The following LRP1B variants were observed in gnomAD, a reference collection of about 807,000 sequenced individuals.
The protein encoded by LRP1B is LDL receptor related protein 1B.
LRP1B carries 217 observed loss-of-function variants against 556.6 expected under a neutral mutation model. The ratio of observed to expected loss-of-function variants is 0.39; its 90% CI spans 0.35 to 0.44. LRP1B has a LOEUF of 0.44. Among genes scored for constraint, LRP1B ranks in the 20% least tolerant of loss-of-function variants. The pLI is 1.00. For synonymous variants in LRP1B, 2,047 were observed against 1,865.8 expected (o/e 1.10, Z -2.50); for missense variants, 5,053 against 5,620.8 (o/e 0.90, Z 3.23).
chr2:141,848,588 A>G (rs1157600932), intron 1 of LRP1B, among the ~76,000 whole-genome samples: 2 of 151,614 alleles, frequency 1.3e-5, no homozygotes, highest in Admixed American at 6.6e-5. Flanking sequence ...AATGAAAAAT[A>G]TAAGAAAGAT....
In LRP1B at chr2:142,004,952, G is replaced by C. The variant is rs559255146; in HGVS notation, c.82+125696C>G. On this transcript the variant is annotated intron_variant, in intron 1 of 90. Transcript: ENST00000389484. Reference sequence around the variant, plus strand: ...ATTTTTCAACCTGCAATTTATGGCAGTGGTCTGCAACAAATACTATATATT... The same window carrying C: ...ATTTTTCAACCTGCAATTTATGGCACTGGTCTGCAACAAATACTATATATT... 1.1e-4 allele frequency among the ~76,000 whole-genome samples: 16 copies of C among 150,786 alleles called. No homozygotes were observed. In the East Asian group the frequency reaches 3.1e-3, roughly 29 times the overall value.
chr2:141,234,751 A>G (rs1243379278), intron 5 of LRP1B, among the ~76,000 whole-genome samples: 7 of 152,202 alleles, frequency 4.6e-5, no homozygotes, highest in South Asian at 2.1e-4. Context: ...ATATTAACAG[A>G]AAATTATGTA....
intron 3 of LRP1B, among the ~76,000 whole-genome samples, chr2:141,273,673 A>G (rs1443652235): frequency 2.0e-5 from 3 of 152,214 alleles, no homozygotes; most frequent in Non-Finnish European, 2.9e-5. Flanking sequence ...GGTTAGAAAA[A>G]AGGCTTGTTT....
intron 35 of LRP1B, among the ~76,000 whole-genome samples, chr2:140,737,338 C>T (rs1283868157): frequency 6.6e-6 from 1 of 152,104 alleles, no homozygotes; most frequent in East Asian, 1.9e-4. Flanking sequence ...GATTACTGGA[C>T]ACAGTGTCTG....
intron 43 of LRP1B, among the ~76,000 whole-genome samples, chr2:140,552,136 C>T (rs533101556): frequency 2.3e-4 from 35 of 152,154 alleles, no homozygotes; most frequent in African/African-American, 7.9e-4. Flanking sequence ...TGTATATGTG[C>T]TATTTTTATA....
intron 25 of LRP1B, among the ~76,000 whole-genome samples, chr2:140,877,170 A>G (rs1210916118): frequency 6.6e-6 from 1 of 152,166 alleles, no homozygotes; most frequent in African/African-American, 2.4e-5. Context: ...TCAGAAGAAT[A>G]TAACAGCAAC....
chr2:141,516,129 A>T (rs913206732), intron 2 of LRP1B, among the ~76,000 whole-genome samples: 6 of 152,142 alleles, frequency 3.9e-5, no homozygotes, highest in Non-Finnish European at 7.4e-5. Context: ...GCCAAACCAC[A>T]TCCATTTCTC....
chr2:141,556,388 T>G (rs1685962799), intron 2 of LRP1B, among the ~76,000 whole-genome samples: 1 of 151,956 alleles, frequency 6.6e-6, no homozygotes, highest in Admixed American at 6.6e-5. Flanking sequence ...GAGCTTCCAC[T>G]GTTAGTGAAA....
chr2:140,399,353 A>G (rs768729164), intron 66 of LRP1B, among the ~76,000 whole-genome samples: 8 of 151,932 alleles, frequency 5.3e-5, no homozygotes, highest in Admixed American at 2.0e-4. Context: ...TTTTTCTCTT[A>G]TATCTTTTTT....
At chr2:140,813,622 A>G in intron 32 of LRP1B, 35 bp downstream of exon 32, 5 of 1,605,084 alleles carry the variant, frequency 3.1e-6, no homozygotes, top group Non-Finnish European at 4.3e-6. Flanking sequence ...CCCAATCAAT[A>G]CAAAGCAACC....
intron 2 of LRP1B, among the ~76,000 whole-genome samples, chr2:141,738,130 A>T (rs1460518523): frequency 6.6e-6 from 1 of 152,184 alleles, no homozygotes; most frequent in Non-Finnish European, 1.5e-5. Context: ...AGGAAATAGA[A>T]AGCTACACTC....
intron 3 of LRP1B, among the ~76,000 whole-genome samples, chr2:141,347,188 T>C (rs1478382194): frequency 9.2e-5 from 14 of 152,132 alleles, no homozygotes; most frequent in Admixed American, 9.2e-4. Context: ...AAACATCTTA[T>C]TATATCAGAT....
chr2:141,649,210 G>A (rs997676293), intron 2 of LRP1B, among the ~76,000 whole-genome samples: 2 of 152,154 alleles, frequency 1.3e-5, no homozygotes, highest in Non-Finnish European at 2.9e-5. Context: ...TGGACACATG[G>A]GAGCCTGGTA....
At chr2:141,092,693 T>C (rs1282774486) in intron 7 of LRP1B, among the ~76,000 whole-genome samples, 2 of 152,080 alleles carry the variant, frequency 1.3e-5, no homozygotes, top group Admixed American at 6.5e-5. Flanking sequence ...GCTAATGAGA[T>C]AGAAACAGGG....
intron 43 of LRP1B, among the ~76,000 whole-genome samples, chr2:140,590,047 A>G (rs1423361149): frequency 6.6e-6 from 1 of 152,078 alleles, no homozygotes; most frequent in Admixed American, 6.6e-5. Context: ...ACTTTGTACA[A>G]CTTCATGTGA....
At chr2:140,418,185 C>T (rs945275566) in intron 66 of LRP1B, among the ~76,000 whole-genome samples, 8 of 152,166 alleles carry the variant, frequency 5.3e-5, no homozygotes, top group African/African-American at 1.9e-4. Context: ...ACTGTAATTA[C>T]AGGAGTGAGG....
intron 2 of LRP1B, among the ~76,000 whole-genome samples, chr2:141,569,327 T>C (rs1358197067): frequency 6.7e-6 from 1 of 150,346 alleles, no homozygotes; most frequent in African/African-American, 2.4e-5. Context: ...AAGCAGGCCC[T>C]AGAAATATAA....
intron 32 of LRP1B, among the ~76,000 whole-genome samples, chr2:140,809,732 C>T (rs1156424358): frequency 6.6e-6 from 1 of 152,128 alleles, no homozygotes; most frequent in African/African-American, 2.4e-5. Flanking sequence ...TGGGAGCAGC[C>T]ATGTGGGTGG....
intron 1 of LRP1B, among the ~76,000 whole-genome samples, chr2:142,010,656 C>CCCA: frequency 6.6e-6 from 1 of 152,048 alleles, no homozygotes; most frequent in South Asian, 2.1e-4. Flanking sequence ...CTCCCAGCCA[C>CCCA]CCACAGTTAG....
Sources: allele counts gnomAD v4.1 joint callset (sites outside exome capture counted in the v4.1 genomes callset), GRCh38; gene constraint gnomAD v4.1.1; transcripts MANE v1.5; gene names NCBI Gene and HGNC (gene_info 2026-07-23, HGNC 2026-07-21).